RP1: variants seen among roughly 807,000 people sequenced by gnomAD.
The protein encoded by RP1 is RP1 axonemal microtubule associated.
Under a neutral mutation model 14.8 loss-of-function variants are expected in RP1, and 16 were observed. The ratio of observed to expected loss-of-function variants is 1.08; its 90% CI spans 0.73 to 1.65. The LOEUF is 1.65. Ranked by LOEUF, RP1 falls within the 40% of genes most tolerant of loss-of-function variation. RP1 has a pLI of 0.00. For synonymous variants in RP1, 876 were observed against 883.6 expected (o/e 0.99, Z 0.15); for missense variants, 2,631 against 2,535.0 (o/e 1.04, Z -0.81).
intron 24 of RP1, among the ~76,000 whole-genome samples, chr8:54,797,530 A>AACACACACACACACAC (rs3077304): frequency 1.3e-5 from 2 of 148,294 alleles, no homozygotes; most frequent in African/African-American, 2.5e-5. Flanking sequence ...CATAGGACTA[A>AACACACACACACACAC]ACACACACAC....
At chr8:54,667,880 C>T (rs774553876) in intron 7 of RP1, among the ~76,000 whole-genome samples, 2 of 152,026 alleles carry the variant, frequency 1.3e-5, no homozygotes, top group African/African-American at 2.4e-5. Context: ...CAGGACAAGA[C>T]AGATTCAAAG....
chr8:54,608,056 C>G (rs1423842020), intron 1 of RP1, among the ~76,000 whole-genome samples: 1 of 152,076 alleles, frequency 6.6e-6, no homozygotes, highest in Non-Finnish European at 1.5e-5. Context: ...CTGTCCTGCA[C>G]CCACTGTCTG....
chr8:54,744,337 C>T (rs1360318448), intron 19 of RP1, among the ~76,000 whole-genome samples: 2 of 152,086 alleles, frequency 1.3e-5, no homozygotes, highest in Non-Finnish European at 2.9e-5. Context: ...AGGGAGCTCC[C>T]TAGGGAGCCT....
chr8:54,785,742 G>A (rs1430258807), intron 24 of RP1, among the ~76,000 whole-genome samples: 2 of 152,028 alleles, frequency 1.3e-5, no homozygotes, highest in East Asian at 1.9e-4. Context: ...ATGCGAAATA[G>A]TATCTTATTG....
chr8:54,673,823 C>G lies in RP1; in HGVS notation c.1324-27C>G, dbSNP rs183727338. 290 of 1,494,468 alleles carry G rather than the reference C, an allele frequency of 1.9e-4. 2 individuals carry two copies. In the East Asian group the frequency reaches 6.5e-3, roughly 33 times the overall value. 92.6% of individuals were successfully genotyped at this position (1,494,468 alleles called of 1,614,324 possible). On this transcript the variant is annotated intron_variant, in intron 7 of 22. Transcript: ENST00000636932. ...TATAAATCAGAGTTATAGTCTAGAT[C>G]TAATTATACTTTTTGATTCGTTATA...
rs555271154 is a variant in RP1, at chr8:54,739,711, A to C, written c.2808+682A>C. 2.0e-3 allele frequency among the ~76,000 whole-genome samples: 306 copies of C among 152,018 alleles called. 1 individual carries two copies. The highest frequency in any genetic ancestry group is 7.2e-3 in the African/African-American group (297 of 41,484). On this transcript the variant is annotated intron_variant, in intron 19 of 22. Coordinates refer to the RP1 transcript ENST00000636932. ...GCTTTCTGTCTCTCGGTATAGATAT[A>C]GATACATACACACACACATAGCACA...
intron 4 of RP1, chr8:54,649,263 C>T (rs1049589554): frequency 5.0e-6 from 4 of 799,122 alleles, no homozygotes; most frequent in African/African-American, 1.8e-5. Flanking sequence ...GAAGATCATT[C>T]AAAAATAATT....
chr8:54,645,798 G>A (rs1273611740), intron 3 of RP1, among the ~76,000 whole-genome samples: 1 of 151,838 alleles, frequency 6.6e-6, no homozygotes, highest in African/African-American at 2.4e-5. Context: ...AAGCCATCTG[G>A]GCCTGAAGTT....
At chr8:54,774,067 A>C (rs1319388112), downstream of RP1, among the ~76,000 whole-genome samples, 2 of 152,308 alleles carry the variant, frequency 1.3e-5, no homozygotes, top group East Asian at 3.9e-4. Flanking sequence ...AAGAACATAA[A>C]ATATTCTATC....
At position 54,626,787 on chromosome 8, in the gene RP1, A is replaced by T. The variant is rs181497543; in HGVS notation, c.2905A>T (p.Met969Leu). The change falls in exon 4 of 4, where the codon ATG becomes TTG. Residue 969 changes from methionine (M) to leucine (L), a missense_variant. By Grantham distance (15) the Met-to-Leu change is conservative. Transcript: ENST00000220676. Reference protein sequence around the residue: ...TNSGKISNFVMESNKHITKIA... With the variant: ...TNSGKISNFVLESNKHITKIA... ...TTCTGGAAAAATAAGTAATTTTGTT[A>T]TGGAAAGTAATAAGCACATAACTAA... 9 of 1,613,712 alleles carry T rather than the reference A, an allele frequency of 5.6e-6. No individual in the cohort carries two copies. Among genetic ancestry groups the T allele is most frequent in the East Asian group, 2.2e-5 (1 of 44,860 alleles).
intron 22 of RP1, among the ~76,000 whole-genome samples, chr8:54,763,133 A>G (rs866102271): frequency 6.6e-6 from 1 of 152,140 alleles, no homozygotes; most frequent in South Asian, 2.1e-4. Context: ...TAAATTAGGG[A>G]ATCTCCAGAT....
chr8:54,845,015 G>A (rs1811880881), intron 25 of RP1, among the ~76,000 whole-genome samples: 1 of 152,180 alleles, frequency 6.6e-6, no homozygotes, highest in South Asian at 2.1e-4. Context: ...CAGGCTGGTG[G>A]ATGGCACTCC....
At chr8:54,654,839 G>T (rs766909947) in intron 5 of RP1, among the ~76,000 whole-genome samples, 26 of 152,226 alleles carry the variant, frequency 1.7e-4, no homozygotes, top group East Asian at 9.7e-4. Flanking sequence ...TAGAGACAGG[G>T]TCTTGCCATG....
At chr8:54,689,654 A>G (rs1486697836) in intron 12 of RP1, among the ~76,000 whole-genome samples, 2 of 152,142 alleles carry the variant, frequency 1.3e-5, no homozygotes, top group Non-Finnish European at 2.9e-5. Context: ...TAACAAATAC[A>G]TAAGCTTGTA....
chr8:54,704,736 A>G lies in RP1; in HGVS notation c.1999-1707A>G, dbSNP rs141469616. ...ATAATAAACACTTTCTCACATTACT[A>G]TTTCTCCCAAAGCAACATAATTTTA... On this transcript the variant is annotated intron_variant, in intron 14 of 22. Transcript: ENST00000636932. Among the ~76,000 whole-genome samples the G allele has an allele frequency of 2.2e-3, 332 of 152,300 alleles. 2 individuals are homozygous for G. Among genetic ancestry groups the G allele is most frequent in the African/African-American group, 5.7e-3 (236 of 41,566 alleles).
At chr8:54,724,641 T>C (rs928021434) in intron 16 of RP1, among the ~76,000 whole-genome samples, 2 of 152,156 alleles carry the variant, frequency 1.3e-5, no homozygotes, top group African/African-American at 4.8e-5. Flanking sequence ...TTCAGAGTAT[T>C]GTATTATTGG....
At chr8:54,576,184 G>T (rs1804637176) in intron 1 of RP1, among the ~76,000 whole-genome samples, 1 of 152,148 alleles carries the variant, frequency 6.6e-6, no homozygotes, top group African/African-American at 2.4e-5. Flanking sequence ...GGGACTACAG[G>T]CGCGCGCCAC....
intron 25 of RP1, among the ~76,000 whole-genome samples, chr8:54,844,692 A>G (rs563166398): frequency 1.3e-5 from 2 of 152,394 alleles, no homozygotes; most frequent in Admixed American, 6.5e-5. Context: ...TCCCAATAAA[A>G]TATGAACTAT....
intron 1 of RP1, among the ~76,000 whole-genome samples, chr8:54,584,659 G>T (rs1252094405): frequency 2.6e-5 from 4 of 152,070 alleles, no homozygotes; most frequent in South Asian, 4.1e-4. Context: ...GCTCTCTAAG[G>T]ACTTGCTTTA....
Sources: gnomAD v4.1 joint callset for allele counts (sites outside exome capture counted in the v4.1 genomes callset) on GRCh38, gnomAD v4.1.1 for gene constraint, MANE v1.5 for transcripts, NCBI Gene and HGNC (gene_info 2026-07-23, HGNC 2026-07-21) for gene names.